TNNI3K: variants seen among roughly 807,000 people sequenced by gnomAD.
TNNI3K encodes TNNI3 interacting kinase.
In TNNI3K, 140 loss-of-function variants were observed where a neutral mutation model predicts 114.5. The ratio of observed to expected loss-of-function variants is 1.22; its 90% confidence interval spans 1.07 to 1.41. TNNI3K has a LOEUF of 1.41. Among genes scored for constraint, TNNI3K ranks in the 40% most tolerant of loss-of-function variants. The pLI is 0.00. For synonymous variants in TNNI3K, 347 were observed against 347.5 expected, an observed-to-expected ratio of 1.00 and a Z score of 0.02; for missense variants, 1,125 against 1,007.6, an observed-to-expected ratio of 1.12 and a Z score of -1.58.
intron 23 of TNNI3K, among the ~76,000 whole-genome samples, chr1:74,518,016 T>A (rs1646373358): frequency 6.6e-6 from 1 of 152,112 alleles, no homozygotes; most frequent in Non-Finnish European, 1.5e-5. Context: ...TCATTCAAAG[T>A]TTTTGAGCAA....
At chr1:74,440,177 C>G (rs1476137700) in intron 20 of TNNI3K, among the ~76,000 whole-genome samples, 1 of 151,886 alleles carries the variant, frequency 6.6e-6, no homozygotes, top group Non-Finnish European at 1.5e-5. Context: ...TTATGCTTTG[C>G]TCATGTGTAG....
chr1:74,377,456 A>G (rs1662964384), intron 17 of TNNI3K, among the ~76,000 whole-genome samples: 1 of 152,030 alleles, frequency 6.6e-6, no homozygotes, highest in African/African-American at 2.4e-5. Context: ...AAAATTCCCT[A>G]GAGTGTAGAA....
intron 21 of TNNI3K, among the ~76,000 whole-genome samples, chr1:74,479,583 A>G (rs540041796): frequency 4.6e-5 from 7 of 152,284 alleles, no homozygotes; most frequent in Non-Finnish European, 8.8e-5. Context: ...TAATCCAACT[A>G]CAGAGCTCAT....
Position 74,312,210 on chromosome 1 carries a change from T to C in TNNI3K, c.445-19240T>C, listed in dbSNP as rs1476817964. Among the ~76,000 whole-genome samples, 3 of 152,218 alleles carry C rather than the reference T, an allele frequency of 2.0e-5. No individual in the cohort carries two copies. The East Asian group carries it at 5.8e-4, about 29-fold the overall frequency. On this transcript the variant is annotated intron_variant, in intron 5 of 24. Coordinates refer to ENST00000326637, the MANE Select transcript of TNNI3K (RefSeq NM_015978.3). ...TACAGAGAAATTGTGGAACCTCTTT[T>C]CTGGAGATTATTAAAAGTAGGATAA...
chr1:74,451,683 T>TTTTCTTTTCTTTCTTTC (rs1553148031), intron 20 of TNNI3K, among the ~76,000 whole-genome samples: 2 of 76,216 alleles, frequency 2.6e-5, no homozygotes, highest in Admixed American at 1.8e-4. Context: ...TTTTCTTTTC[T>TTTTCTTTTCTTTCTTTC]TTTCTTTCTT....
chr1:74,371,012 A>G (rs1292603944), intron 17 of TNNI3K: 1 of 151,832 alleles, frequency 6.6e-6, no homozygotes, highest in African/African-American at 2.4e-5. Context: ...AGAAAACTCT[A>G]TTTACTTCCC....
chr1:74,442,764 T>C (rs1247121868), intron 20 of TNNI3K, among the ~76,000 whole-genome samples: 1 of 152,102 alleles, frequency 6.6e-6, no homozygotes, highest in African/African-American at 2.4e-5. Flanking sequence ...TAATTGGAAG[T>C]AAAACACTCC....
chr1:74,248,967 A>G (rs904641864), intron 2 of TNNI3K, among the ~76,000 whole-genome samples: 4 of 152,146 alleles, frequency 2.6e-5, no homozygotes, highest in Non-Finnish European at 4.4e-5. Context: ...GCAAAGGGGA[A>G]GGTCTTTCTT....
chr1:74,486,283 G>T (rs562488475), intron 21 of TNNI3K, among the ~76,000 whole-genome samples: 286 of 148,532 alleles, frequency 1.9e-3, no homozygotes, highest in Non-Finnish European at 3.2e-3. Context: ...TCCCCTCCAG[G>T]ATCTACTTGC....
chr1:74,503,520 A>G (rs548610537), intron 23 of TNNI3K, among the ~76,000 whole-genome samples: 107 of 152,276 alleles, frequency 7.0e-4, no homozygotes, highest in African/African-American at 2.4e-3. Flanking sequence ...CTTAAGTTCT[A>G]TGGATCTTGT....
Position 74,391,541 on chromosome 1 carries a change from A to G in TNNI3K, c.1772+21149A>G, listed in dbSNP as rs983417755. On this transcript the variant is annotated intron_variant, in intron 17 of 24. Coordinates refer to ENST00000326637, the MANE Select transcript of TNNI3K (RefSeq NM_015978.3). The stretch of plus-strand genomic sequence containing the variant: ...TAGCTTTTGGGAAATAAAAACCAAG[A>G]GGTCTTTTGTGGCCATTTTAAATTT... 7.2e-5 allele frequency among the ~76,000 whole-genome samples: 11 copies of G among 152,312 alleles called. No homozygotes were observed. The South Asian group carries it at 8.3e-4, about 11-fold the overall frequency.
At chr1:74,410,644 G>C (rs1159208349) in intron 17 of TNNI3K, among the ~76,000 whole-genome samples, 1 of 152,184 alleles carries the variant, frequency 6.6e-6, no homozygotes, top group Non-Finnish European at 1.5e-5. Flanking sequence ...TGAAAGACTA[G>C]ATAGAAACTT....
intron 5 of TNNI3K, among the ~76,000 whole-genome samples, chr1:74,313,834 TTTA>T (rs1263964524): frequency 1.3e-5 from 2 of 152,078 alleles, no homozygotes; most frequent in Admixed American, 6.6e-5. Context: ...TTTTGCTTAC[TTTA>T]TTATTATATC....
At chr1:74,399,168 A>C (rs1402727657) in intron 17 of TNNI3K, among the ~76,000 whole-genome samples, 2 of 151,152 alleles carry the variant, frequency 1.3e-5, no homozygotes, top group Non-Finnish European at 3.0e-5. Flanking sequence ...AAAAAAAAAA[A>C]AAAAAAAAAA....
chr1:74,367,357 A>G lies in TNNI3K; in HGVS notation c.1264+15A>G, dbSNP rs1195678687. On this transcript the variant is annotated intron_variant, in intron 12 of 24. Transcript: ENST00000326637. ...GCCTGGAGGAGGTACCCCTTTTCTT[A>G]TTCAGTTTTCATTATTGTATAATAT... 1 of 1,610,604 alleles carries G rather than the reference A, an allele frequency of 6.2e-7. No homozygotes were observed. Among genetic ancestry groups the G allele is most frequent in the Non-Finnish European group, 8.5e-7 (1 of 1,177,912 alleles).
At chr1:74,482,511 C>T (rs886827889) in intron 21 of TNNI3K, among the ~76,000 whole-genome samples, 4 of 152,182 alleles carry the variant, frequency 2.6e-5, no homozygotes, top group African/African-American at 4.8e-5. Flanking sequence ...GAAAACCTCT[C>T]TGTCCTGTCA....
intron 11 of TNNI3K, among the ~76,000 whole-genome samples, chr1:74,355,318 G>A (rs990442213): frequency 1.3e-5 from 2 of 152,070 alleles, no homozygotes; most frequent in Non-Finnish European, 2.9e-5. Context: ...ACTAAAGTGG[G>A]ATATGGGCCA....
At chr1:74,463,299 G>GA (rs999934714) in intron 20 of TNNI3K, 142 bp from the exon 21 acceptor site, 45 of 792,750 alleles carry the variant, frequency 5.7e-5, no homozygotes, top group Admixed American at 1.4e-4. Flanking sequence ...ACCATTGGGG[G>GA]AAAAAAGCCT....
intron 17 of TNNI3K, among the ~76,000 whole-genome samples, chr1:74,417,315 C>A (rs575954073): frequency 2.9e-4 from 44 of 152,152 alleles, no homozygotes; most frequent in Middle Eastern, 3.4e-3. Context: ...CCAAGGTACC[C>A]TTCATGCTGC....
Sources: gnomAD v4.1 joint callset for allele counts (sites outside exome capture counted in the v4.1 genomes callset) on GRCh38, gnomAD v4.1.1 for gene constraint, MANE v1.5 for transcripts, NCBI Gene and HGNC (gene_info 2026-07-23, HGNC 2026-07-21) for gene names.